The following MUSK variants were observed in gnomAD, a reference collection of about 807,000 sequenced individuals.
MUSK encodes muscle associated receptor tyrosine kinase.
A neutral mutation model predicts 88.7 loss-of-function variants in MUSK; 55 were observed. That is an observed-to-expected ratio of 0.62 (90% CI 0.50 to 0.78). MUSK has a LOEUF of 0.78. Among genes scored for constraint, MUSK ranks in the 30% least tolerant of loss-of-function variants. MUSK has a pLI of 0.00. For missense variants in MUSK, 1,015 were observed against 1,074.3 expected, an observed-to-expected ratio of 0.94 and a Z score of 0.77; for synonymous variants, 387 against 391.9, an observed-to-expected ratio of 0.99 and a Z score of 0.15.
chr9:110,788,519 C>T (rs1048088934), intron 14 of MUSK, among the ~76,000 whole-genome samples: 12 of 151,812 alleles, frequency 7.9e-5, no homozygotes, highest in Non-Finnish European at 1.8e-4. Context: ...GTAATCCTAG[C>T]TACTCGGGAG....
rs1223704602 is a variant in MUSK, at chr9:110,692,785, G to A, written c.359-2618G>A. Among the ~76,000 whole-genome samples, 4 of 151,702 alleles carry A rather than the reference G, an allele frequency of 2.6e-5. 1 individual carries two copies. The highest frequency in any genetic ancestry group is 4.2e-4 in the South Asian group (2 of 4,792). The stretch of plus-strand genomic sequence containing the variant: ...ATACAATATTCACTTAAGCTTCTAA[G>A]GATATCACTAGTGCATCTTTTAAAA... On this transcript the variant is annotated intron_variant, in intron 3 of 14. Transcript: ENST00000374448.
intron 5 of MUSK, among the ~76,000 whole-genome samples, chr9:110,731,240 C>A (rs977901353): frequency 3.9e-5 from 6 of 151,920 alleles, no homozygotes; most frequent in African/African-American, 1.2e-4. Context: ...GCAAACCTTG[C>A]CCTTGTGATG....
intron 5 of MUSK, among the ~76,000 whole-genome samples, chr9:110,711,279 C>A (rs2076667434): frequency 6.6e-6 from 1 of 152,150 alleles, no homozygotes; most frequent in South Asian, 2.1e-4. Context: ...TAGTGCCTGG[C>A]TGAAGCTCTG....
chr9:110,709,054 C>T (rs770800098), intron 5 of MUSK, among the ~76,000 whole-genome samples: 3 of 152,102 alleles, frequency 2.0e-5, no homozygotes, highest in African/African-American at 7.2e-5. Flanking sequence ...CCAACAAAGA[C>T]ACACTGAGCA....
intron 5 of MUSK, among the ~76,000 whole-genome samples, chr9:110,701,680 TTTTAC>T (rs755152064): frequency 0.46 from 4,126 of 8,932 alleles, 1,367 homozygotes; most frequent in South Asian, 0.58. Context: ...ATTTTATTTT[TTTTAC>T]TTTACTTTAT....
chr9:110,800,718 TAC>T lies in MUSK; in HGVS notation c.2342_2343del (p.Thr781ArgfsTer3). 1.2e-6 allele frequency: 2 copies of T among 1,613,978 alleles called. No homozygotes were observed. Among genetic ancestry groups the T allele is most frequent in the Non-Finnish European group, 1.7e-6 (2 of 1,179,882 alleles). On this transcript the variant is annotated frameshift_variant, in exon 15 of 15. Transcript: ENST00000374448. LOFTEE classifies it high-confidence loss of function. ...AGTCCATTTTTTATAACCGCTACACTACAGAGTCTGATGTGTGGGCCTATGGC... is the reference window on the plus strand; with the variant it reads ...AGTCCATTTTTTATAACCGCTACACTAGAGTCTGATGTGTGGGCCTATGGC... The part of the protein sequence containing the change: ...PESIFYNRYT[T>X]ESDVWAYGVV...
At position 110,697,395 on chromosome 9, in the gene MUSK, G is replaced by C. The variant is rs373304727; in HGVS notation, c.557G>C (p.Gly186Ala). 5.3e-5 allele frequency: 86 copies of C among 1,612,906 alleles called. No homozygotes were observed. Among genetic ancestry groups the C allele is most frequent in the Admixed American group, 8.3e-5 (5 of 59,918 alleles). ...RIHNVQKEDA[G>A]QYRCVAKNSL... ...CATAACGTACAAAAGGAAGATGCAG[G>C]ACAGTATCGATGTGTGGCAAAAAAC... is the stretch of plus-strand genomic sequence containing the variant. Residue 186 changes from glycine (G) to alanine (A), a missense_variant, in exon 5 of 15, where the codon GGA (glycine) becomes GCA (alanine). Physicochemically the swap from Gly to Ala is moderately conservative, Grantham distance 60. Transcript: ENST00000374448.
intron 11 of MUSK, among the ~76,000 whole-genome samples, chr9:110,782,623 T>C (rs1161376880): frequency 6.6e-6 from 1 of 152,188 alleles, no homozygotes; most frequent in Non-Finnish European, 1.5e-5. Flanking sequence ...AATACAAAAA[T>C]AGTTATTTCT....
intron 3 of MUSK, among the ~76,000 whole-genome samples, chr9:110,692,139 T>C (rs964461081): frequency 1.3e-5 from 2 of 151,748 alleles, no homozygotes; most frequent in Non-Finnish European, 2.9e-5. Flanking sequence ...TTTTTTTGTT[T>C]GTTTGGTTGG....
chr9:110,768,471 G>C (rs1188306728), intron 9 of MUSK, among the ~76,000 whole-genome samples: 1 of 152,210 alleles, frequency 6.6e-6, no homozygotes, highest in Non-Finnish European at 1.5e-5. Flanking sequence ...ACTCCAGCCT[G>C]AGTGTTGAGA....
chr9:110,755,778 G>A (rs2077302751), intron 7 of MUSK, among the ~76,000 whole-genome samples: 1 of 151,504 alleles, frequency 6.6e-6, no homozygotes, highest in Non-Finnish European at 1.5e-5. Context: ...CATATTTAAG[G>A]AGAAGAGGAT....
At chr9:110,711,676 G>A (rs2076672928) in intron 5 of MUSK, among the ~76,000 whole-genome samples, 2 of 152,130 alleles carry the variant, frequency 1.3e-5, no homozygotes, top group Admixed American at 6.5e-5. Context: ...ACTTAAAGAA[G>A]GCCCATATGG....
At chr9:110,715,253 G>A (rs2076729963) in intron 5 of MUSK, among the ~76,000 whole-genome samples, 2 of 149,896 alleles carry the variant, frequency 1.3e-5, no homozygotes, top group South Asian at 2.1e-4. Context: ...TTATGAGTTA[G>A]CTGCTATATT....
At chr9:110,722,696 A>G (rs2076829937) in intron 5 of MUSK, among the ~76,000 whole-genome samples, 1 of 147,522 alleles carries the variant, frequency 6.8e-6, no homozygotes, top group African/African-American at 2.4e-5. Flanking sequence ...CTGAAACAGC[A>G]AGAAAAAAAA....
At chr9:110,745,250 G>A (rs1423408083) in intron 6 of MUSK, among the ~76,000 whole-genome samples, 1 of 152,134 alleles carries the variant, frequency 6.6e-6, no homozygotes, top group Non-Finnish European at 1.5e-5. Context: ...TCCTACTAAG[G>A]ATGTTTTCAG....
At chr9:110,762,691 A>G (rs2077419645) in intron 8 of MUSK, among the ~76,000 whole-genome samples, 1 of 152,222 alleles carries the variant, frequency 6.6e-6, no homozygotes, top group Admixed American at 6.5e-5. Flanking sequence ...TTATAGCTCT[A>G]ACCTATATAT....
intron 5 of MUSK, among the ~76,000 whole-genome samples, chr9:110,716,182 G>T (rs4397486): frequency 0.28 from 41,459 of 149,528 alleles, 7,567 homozygotes; most frequent in East Asian, 0.61. Context: ...TGGTGCAAAA[G>T]AAATAATGGC....
chr9:110,788,047 A>G (rs979038399), intron 14 of MUSK: 35 of 567,484 alleles, frequency 6.2e-5, no homozygotes, highest in African/African-American at 2.1e-4. Context: ...CATCACTTCA[A>G]TTTGTCTCTG....
At position 110,772,835 on chromosome 9, in the gene MUSK, A is replaced by G. The variant is rs565743954; in HGVS notation, c.1185-2953A>G. Among the ~76,000 whole-genome samples the G allele has an allele frequency of 6.6e-5, 10 of 152,190 alleles. No homozygotes were observed. In the South Asian group the frequency reaches 2.1e-3, roughly 32 times the overall value. On this transcript the variant is annotated intron_variant, in intron 9 of 14. Coordinates refer to ENST00000374448, the MANE Select transcript of MUSK (RefSeq NM_005592.4). ...AGTTTGATCTTCATTTTTTTGTTAT[A>G]TCTTTTGAAAAAGTCTCTACCTTTA...
Sources: allele counts gnomAD v4.1 joint callset (sites outside exome capture counted in the v4.1 genomes callset), GRCh38; gene constraint gnomAD v4.1.1; transcripts MANE v1.5; gene names NCBI Gene and HGNC (gene_info 2026-07-23, HGNC 2026-07-21).